SUN3: variants seen among roughly 807,000 people sequenced by gnomAD.
SUN3 encodes SUN domain-containing protein 3.
SUN3 carries 36 observed loss-of-function variants against 48.2 expected under a neutral mutation model. The observed-to-expected ratio is 0.75, with a 90% CI of 0.57 to 0.99. SUN3 has a LOEUF of 0.99. Ranked by LOEUF, SUN3 falls within the 50% of genes least tolerant of loss-of-function variation. SUN3 has a pLI of 0.00. For missense variants in SUN3, 419 were observed against 433.1 expected, an observed-to-expected ratio of 0.97 and a Z score of 0.29; for synonymous variants, 148 against 147.9, an observed-to-expected ratio of 1.00 and a Z score of 0.00.
In SUN3 at chr7:47,987,289, A is replaced by T; in HGVS notation, c.*41T>A. 1.3e-6 allele frequency: 2 copies of T among 1,585,538 alleles called. No homozygotes were observed. The highest frequency in any genetic ancestry group is 1.7e-6 in the Non-Finnish European group (2 of 1,167,290). Reference sequence around the variant, plus strand: ...TCATCTAAGAGAATAAGCATTCTTGAATATTCTGGACATGTGGCATGGCCT... The same window carrying T: ...TCATCTAAGAGAATAAGCATTCTTGTATATTCTGGACATGTGGCATGGCCT... On this transcript the variant is annotated 3_prime_UTR_variant, in exon 10 of 10. Transcript: ENST00000297325.
chr7:48,022,100 A>T (rs536027090), intron 2 of SUN3, among the ~76,000 whole-genome samples: 1 of 152,172 alleles, frequency 6.6e-6, no homozygotes, highest in African/African-American at 2.4e-5. Flanking sequence ...AAAGAATGAG[A>T]TAATGTCATT....
chr7:48,005,099 A>G (rs1340936418), intron 6 of SUN3, among the ~76,000 whole-genome samples: 1 of 152,228 alleles, frequency 6.6e-6, no homozygotes, highest in Non-Finnish European at 1.5e-5. Context: ...GAAGTTGTAA[A>G]TACATCAATT....
the SUN3 span, chr7:48,035,744 C>T: frequency 1.7e-6 from 1 of 583,038 alleles, no homozygotes; most frequent in Non-Finnish European, 3.0e-6. This position sits in a 1 kb window ranked among gnomAD's most constrained non-coding sequence, Gnocchi z 4.0. Context: ...GGGAGGGGAC[C>T]ACCTTGTCGC....
intron 9 of SUN3, 111 bp from the exon 10 acceptor site, chr7:47,987,560 A>T: frequency 9.3e-7 from 1 of 1,075,362 alleles, no homozygotes; most frequent in Non-Finnish European, 1.3e-6. Flanking sequence ...TCGAGATAGG[A>T]TCTGGCTCTG....
At chr7:48,035,466 G>A in the SUN3 span, 95 of 694,812 alleles carry the variant, frequency 1.4e-4, 1 homozygote, top group South Asian at 5.1e-4. This position sits in a 1 kb window ranked among gnomAD's most constrained non-coding sequence, Gnocchi z 4.0. Context: ...CAGTGCTCCA[G>A]CCGCGCCCGC....
intron 1 of SUN3, 32 bp from the exon 2 acceptor site, chr7:48,025,970 A>AATCATTTAAC (rs1562615565): frequency 6.8e-7 from 1 of 1,478,180 alleles, no homozygotes; most frequent in Non-Finnish European, 9.4e-7. Flanking sequence ...TTAGAAAAAG[A>AATCATTTAAC]ATTTAACAAC....
chr7:48,011,961 G>A (rs1413058088), intron 3 of SUN3, among the ~76,000 whole-genome samples: 2 of 152,204 alleles, frequency 1.3e-5, no homozygotes, highest in African/African-American at 4.8e-5. Context: ...GGGAGAGGGG[G>A]CAGGCCAATG....
At chr7:48,017,496 C>T in intron 2 of SUN3, 131 bp from the exon 3 acceptor site, 1 of 637,286 alleles carries the variant, frequency 1.6e-6, no homozygotes, top group Non-Finnish European at 2.7e-6. Context: ...CCTTGGGTGA[C>T]ATCATGGAAA....
chr7:48,005,878 G>A, intron 6 of SUN3, 91 bp downstream of exon 6: 2 of 624,022 alleles, frequency 3.2e-6, no homozygotes, highest in Non-Finnish European at 5.2e-6. Context: ...AGATAAATAT[G>A]TTTTCCTCAT....
intron 6 of SUN3, among the ~76,000 whole-genome samples, chr7:48,000,537 T>A (rs1789334051): frequency 6.6e-6 from 1 of 152,238 alleles, no homozygotes; most frequent in Non-Finnish European, 1.5e-5. Flanking sequence ...AAGAACTTCC[T>A]TTAGCAGATT....
At chr7:48,016,998 T>C (rs548001537) in intron 3 of SUN3, among the ~76,000 whole-genome samples, 6 of 152,190 alleles carry the variant, frequency 3.9e-5, no homozygotes, top group Non-Finnish European at 8.8e-5. Context: ...CCAATGATAA[T>C]GGCATTAATT....
chr7:47,993,941 T>C (rs1451156899), intron 8 of SUN3, among the ~76,000 whole-genome samples: 1 of 151,670 alleles, frequency 6.6e-6, no homozygotes, highest in African/African-American at 2.4e-5. Context: ...TAATCAAAAC[T>C]GAAAAATCAG....
At chr7:48,009,484 G>A (rs935447671) in intron 3 of SUN3, among the ~76,000 whole-genome samples, 1 of 152,168 alleles carries the variant, frequency 6.6e-6, no homozygotes, top group Admixed American at 6.5e-5. Context: ...GGAGCACATG[G>A]CGACGTTAGA....
intron 2 of SUN3, 96 bp downstream of exon 2, chr7:48,025,781 T>C: frequency 2.5e-6 from 2 of 794,692 alleles, no homozygotes; most frequent in Non-Finnish European, 4.0e-6. Context: ...TCCGTGGCAT[T>C]TATTTACAAA....
intron 1 of SUN3, among the ~76,000 whole-genome samples, chr7:48,028,281 T>G (rs1008343799): frequency 6.6e-6 from 1 of 151,950 alleles, no homozygotes; most frequent in Non-Finnish European, 1.5e-5. Flanking sequence ...TTTAGGGTAT[T>G]TGGATTCCCT....
At chr7:48,032,596 C>T (rs1175418909), upstream of SUN3, among the ~76,000 whole-genome samples, 1 of 152,164 alleles carries the variant, frequency 6.6e-6, no homozygotes, top group Non-Finnish European at 1.5e-5. Flanking sequence ...CATTGAAATA[C>T]ATAAATATAT....
chr7:48,018,130 T>C (rs144748319), intron 2 of SUN3, among the ~76,000 whole-genome samples: 8 of 152,290 alleles, frequency 5.3e-5, no homozygotes, highest in African/African-American at 1.9e-4. Context: ...CTGTAGATTG[T>C]GTATAAGCAG....
intron 6 of SUN3, among the ~76,000 whole-genome samples, chr7:47,996,599 T>A (rs10253238): frequency 0.43 from 65,154 of 152,052 alleles, 14,186 homozygotes; most frequent in Middle Eastern, 0.54. Flanking sequence ...CATTGAACTC[T>A]ATTTTAATCA....
rs111813689 is a variant in SUN3 at position 48,007,419 on chromosome 7, C to G, written c.330-92G>C. 741 of 1,179,320 alleles carry G rather than the reference C, an allele frequency of 6.3e-4. 11 individuals are homozygous for G. The African/African-American group carries it at 0.01, about 16-fold the overall frequency. 73.1% of individuals were successfully genotyped at this position (1,179,320 alleles called of 1,614,324 possible). On this transcript the variant is annotated intron_variant, in intron 4 of 9. Transcript: ENST00000297325. ...GCTCCACCCGCCATGTGATGAGGTG[C>G]TTTATATTGTTGAAGATATACATTC...
Sources: allele counts gnomAD v4.1 joint callset (sites outside exome capture counted in the v4.1 genomes callset), GRCh38; gene constraint gnomAD v4.1.1; non-coding constraint Gnocchi (gnomAD v3.1); transcripts MANE v1.5; gene names NCBI Gene and HGNC (gene_info 2026-07-23, HGNC 2026-07-21).